SMIM13: variants seen among roughly 807,000 people sequenced by gnomAD.
SMIM13 encodes UPF0766 protein C6orf228.
A neutral mutation model predicts 5.9 loss-of-function variants in SMIM13; 3 were observed. The observed-to-expected ratio is 0.51, with a 90% CI of 0.23 to 1.31. SMIM13 has a LOEUF of 1.31. Among genes scored for constraint, SMIM13 ranks in the 40% most tolerant of loss-of-function variants. SMIM13 has a pLI of 0.18. For synonymous variants in SMIM13, 55 were observed against 46.0 expected (o/e 1.19, Z -0.79); for missense variants, 85 against 109.9 (o/e 0.77, Z 1.01).
At chr6:11,112,586 C>A (rs1758184399) in intron 1 of SMIM13, among the ~76,000 whole-genome samples, 3 of 152,166 alleles carry the variant, frequency 2.0e-5, no homozygotes, top group Admixed American at 2.0e-4. Context: ...ATTTACCTTT[C>A]TAATGTAAAT....
Position 11,094,455 on chromosome 6 carries a change from TTG to T in SMIM13, c.76+68_76+69del, listed in dbSNP as rs1757896516. On this transcript the variant is annotated intron_variant, in intron 1 of 1. Transcript: ENST00000416247. ...GGTCGCTGATCTGCTGGGGTTTTTT[TTG>T]TTGTTTGTTTTTTTGAAAAAAACAA... is the stretch of plus-strand genomic sequence containing the variant. 6.2e-6 allele frequency: 8 copies of T among 1,293,886 alleles called. No individual in the cohort carries two copies. The Admixed American group carries it at 6.7e-5, about 11-fold the overall frequency. 80.2% of individuals were successfully genotyped at this position (1,293,886 alleles called of 1,614,324 possible). A position where few individuals can be genotyped will look rare whatever the true frequency, so the allele number is the denominator to read the frequency against.
At chr6:11,117,202 C>T (rs1322999433) in intron 1 of SMIM13, among the ~76,000 whole-genome samples, 1 of 130,790 alleles carries the variant, frequency 7.6e-6, no homozygotes, top group Non-Finnish European at 1.6e-5. Flanking sequence ...CTCGCTCTGT[C>T]GCCCAGGCTG....
rs747187306 is a variant in SMIM13, at chr6:11,134,505, C to T, written c.179C>T (p.Ser60Phe). Reference sequence around the variant, plus strand: ...GAGGGAGATCATGAGCCTTCAGGGTCTGAAACTGAAGAAGACACTTCCTCC... The same window carrying T: ...GAGGGAGATCATGAGCCTTCAGGGTTTGAAACTGAAGAAGACACTTCCTCC... ...SQEGDHEPSG[S>F]ETEEDTSSSP... The change falls in exon 2 of 2, where the codon TCT becomes TTT. Residue 60 changes from serine (S) to phenylalanine (F), a missense_variant. By Grantham distance (155) the Ser-to-Phe change is radical. Coordinates refer to ENST00000416247, the MANE Select transcript of SMIM13 (RefSeq NM_001135575.2). 6.4e-7 allele frequency: 1 copy of T among 1,551,210 alleles called. No homozygotes were observed. The highest frequency in any genetic ancestry group is 8.7e-7 in the Non-Finnish European group (1 of 1,146,658).
At chr6:11,133,407 A>G (rs114473153) in intron 1 of SMIM13, among the ~76,000 whole-genome samples, 1,885 of 152,312 alleles carry the variant, frequency 0.012, 21 homozygotes, top group Admixed American at 0.02. Flanking sequence ...AAAAACAAGT[A>G]AAATTAGAAA....
intron 1 of SMIM13, among the ~76,000 whole-genome samples, chr6:11,130,791 G>A (rs1282431098): frequency 6.6e-6 from 1 of 152,106 alleles, no homozygotes; most frequent in East Asian, 1.9e-4. Context: ...GTAGATTTCT[G>A]TGCTGAGAGA....
intron 1 of SMIM13, chr6:11,104,961 A>T (rs188870088): frequency 6.2e-7 from 1 of 1,614,146 alleles, no homozygotes; most frequent in South Asian, 1.1e-5. Context: ...CATTAGGTTG[A>T]TATTAGTAAA....
intron 1 of SMIM13, chr6:11,102,644 A>G (rs926045411): frequency 3.3e-5 from 5 of 152,264 alleles, no homozygotes; most frequent in African/African-American, 9.6e-5. Flanking sequence ...TAAAGTTGAA[A>G]GGACCTAGTT....
intron 1 of SMIM13, chr6:11,105,026 T>G (rs1317968041): frequency 1.2e-6 from 2 of 1,614,126 alleles, no homozygotes; most frequent in Non-Finnish European, 1.7e-6. Flanking sequence ...CTTGCTTTAC[T>G]GTTGAAAGAA....
chr6:11,115,834 G>GC (rs996201891), intron 1 of SMIM13, among the ~76,000 whole-genome samples: 12 of 146,932 alleles, frequency 8.2e-5, no homozygotes, highest in African/African-American at 3.0e-4. Context: ...ACAAGCATGG[G>GC]CCACCATGCC....
At chr6:11,123,660 A>C (rs1758339268) in intron 1 of SMIM13, among the ~76,000 whole-genome samples, 1 of 152,198 alleles carries the variant, frequency 6.6e-6, no homozygotes, top group African/African-American at 2.4e-5. Flanking sequence ...CAGAGTTTTA[A>C]AAGTTAGCTG....
chr6:11,102,929 C>G (rs1195948032), intron 1 of SMIM13: 6 of 152,186 alleles, frequency 3.9e-5, no homozygotes, highest in Admixed American at 3.9e-4. Flanking sequence ...TTGAAGAGAG[C>G]CAAGCGGGTG....
chr6:11,119,092 G>A (rs1340278168), intron 1 of SMIM13, among the ~76,000 whole-genome samples: 1 of 152,140 alleles, frequency 6.6e-6, no homozygotes, highest in East Asian at 1.9e-4. Context: ...GATGTGAGAG[G>A]GTTTATTAAA....
At chr6:11,130,897 C>G (rs548717345) in intron 1 of SMIM13, among the ~76,000 whole-genome samples, 20 of 152,290 alleles carry the variant, frequency 1.3e-4, no homozygotes, top group African/African-American at 4.8e-4. Flanking sequence ...AGTCAAAAGA[C>G]TTCCTCACTC....
intron 1 of SMIM13, among the ~76,000 whole-genome samples, chr6:11,112,791 T>TTA (rs1020797929): frequency 2.0e-5 from 3 of 152,046 alleles, no homozygotes; most frequent in Admixed American, 2.0e-4. Flanking sequence ...CTTTTGGCTG[T>TTA]TAGTATTATT....
At chr6:11,126,132 C>T (rs1561759494) in intron 1 of SMIM13, among the ~76,000 whole-genome samples, 1 of 152,212 alleles carries the variant, frequency 6.6e-6, no homozygotes, top group Non-Finnish European at 1.5e-5. Context: ...TCACCACAAC[C>T]TCCGCCTCCC....
At chr6:11,120,125 T>A (rs1217637345) in intron 1 of SMIM13, among the ~76,000 whole-genome samples, 1 of 152,230 alleles carries the variant, frequency 6.6e-6, no homozygotes, top group African/African-American at 2.4e-5. Context: ...GCTACTTAGA[T>A]ACTATCATGA....
At chr6:11,128,713 G>A (rs981448303) in intron 1 of SMIM13, among the ~76,000 whole-genome samples, 5 of 152,088 alleles carry the variant, frequency 3.3e-5, no homozygotes, top group Admixed American at 6.5e-5. Flanking sequence ...AGTTGCTGGG[G>A]TGGGCAATTT....
At chr6:11,124,359 G>C (rs1758348858) in intron 1 of SMIM13, among the ~76,000 whole-genome samples, 1 of 152,324 alleles carries the variant, frequency 6.6e-6, no homozygotes, top group Non-Finnish European at 1.5e-5. Flanking sequence ...GGATTCCATT[G>C]TGTGTATGTA....
rs1379919978 is a variant in SMIM13, at chr6:11,134,546, A to G, written c.220A>G (p.Arg74Gly). The G allele has an allele frequency of 1.3e-6, 2 of 1,550,334 alleles. No homozygotes were observed. Among genetic ancestry groups the G allele is most frequent in the African/African-American group, 2.7e-5 (2 of 73,010 alleles). The change falls in exon 2 of 2, where the codon AGA (arginine) becomes GGA (glycine). Residue 74 changes from arginine to glycine, a missense_variant. By Grantham distance (125) the Arg-to-Gly change is moderately radical. Transcript: ENST00000416247. Reference protein sequence around the residue: ...EDTSSSPHRIRSARQRRAPAD... With the variant: ...EDTSSSPHRIGSARQRRAPAD... ...CACTTCCTCCTCTCCACACAGAATC[A>G]GATCCGCTCGCCAAAGGAGGGCACC... is the stretch of plus-strand genomic sequence containing the variant.
Sources: gnomAD v4.1 joint callset for allele counts (sites outside exome capture counted in the v4.1 genomes callset) on GRCh38, gnomAD v4.1.1 for gene constraint, MANE v1.5 for transcripts, NCBI Gene and HGNC (gene_info 2026-07-23, HGNC 2026-07-21) for gene names.